Variants in SCG5 observed in about 807,000 individuals in gnomAD.
The protein encoded by SCG5 is secretogranin V, also known as neuroendocrine protein 7B2.
SCG5 carries 18 observed loss-of-function variants against 25.7 expected under a neutral mutation model. The observed-to-expected ratio is 0.70, with a 90% confidence interval of 0.48 to 1.04. The LOEUF (loss-of-function observed/expected upper bound fraction) is 1.04, where lower values mean the gene tolerates loss of function less well. Among genes scored for constraint, SCG5 ranks in the 50% least tolerant of loss-of-function variants. SCG5 has a pLI of 0.00. For synonymous variants in SCG5, 101 were observed against 91.7 expected (o/e 1.10, Z -0.58); for missense variants, 206 against 259.8 (o/e 0.79, Z 1.42).
chr15:32,672,847 C>T (rs1251775080), intron 2 of SCG5: 1 of 148,510 alleles, frequency 6.7e-6, no homozygotes, highest in Non-Finnish European at 1.5e-5. Flanking sequence ...TCTTGTCCTA[C>T]TGACCTCACT....
chr15:32,644,835 G>A (rs2053917616), intron 2 of SCG5, among the ~76,000 whole-genome samples: 1 of 152,184 alleles, frequency 6.6e-6, no homozygotes, highest in Non-Finnish European at 1.5e-5. Flanking sequence ...GATTGATTAT[G>A]CACTATTTTG....
Position 32,679,973 on chromosome 15 carries a change from A to C in SCG5, c.376+58A>C, listed in dbSNP as rs536350424. The C allele has an allele frequency of 1.5e-5, 21 of 1,438,754 alleles. No homozygotes were observed. The African/African-American group carries it at 2.8e-4, about 19-fold the overall frequency. The allele number at this position is 1,438,754 out of a possible 1,614,324, so 89.1% of individuals were successfully genotyped here. A position where few individuals can be genotyped will look rare whatever the true frequency, so the allele number is the denominator to read the frequency against. ...GTTGGGGCTTTGGAAGGAAATCAGA[A>C]ATTCTAACATCAGCTACAAATATTC... On this transcript the variant is annotated intron_variant, in intron 3 of 5. Transcript: ENST00000300175.
chr15:32,670,550 C>A (rs924539213), intron 2 of SCG5, among the ~76,000 whole-genome samples: 1 of 152,216 alleles, frequency 6.6e-6, no homozygotes, highest in Non-Finnish European at 1.5e-5. Flanking sequence ...AAACTAAATT[C>A]TGTTACTAGG....
At chr15:32,648,791 A>AC (rs2053989587) in intron 2 of SCG5, among the ~76,000 whole-genome samples, 1 of 150,334 alleles carries the variant, frequency 6.7e-6, no homozygotes, top group African/African-American at 2.5e-5. Flanking sequence ...TTTAAAAAAA[A>AC]AACAGAGTCT....
intron 2 of SCG5, among the ~76,000 whole-genome samples, chr15:32,668,346 G>A (rs1164643827): frequency 6.6e-6 from 1 of 152,242 alleles, no homozygotes; most frequent in Non-Finnish European, 1.5e-5. Context: ...ATTCAGGTAC[G>A]AATTTGTAAG....
chr15:32,663,032 A>AATATATATATAT (rs67571496), intron 2 of SCG5, among the ~76,000 whole-genome samples: 7 of 79,282 alleles, frequency 8.8e-5, no homozygotes, highest in Admixed American at 1.7e-4. Flanking sequence ...AAAAAAAAAG[A>AATATATATATAT]ATATATATAT....
At chr15:32,652,577 G>A (rs185751034) in intron 2 of SCG5, among the ~76,000 whole-genome samples, 18 of 152,284 alleles carry the variant, frequency 1.2e-4, no homozygotes, top group Middle Eastern at 3.4e-3. Flanking sequence ...TGTGTCTTAG[G>A]TCTTTCCTTC....
intron 2 of SCG5, among the ~76,000 whole-genome samples, chr15:32,674,683 G>A (rs1411313890): frequency 1.3e-5 from 2 of 152,210 alleles, no homozygotes; most frequent in African/African-American, 4.8e-5. Flanking sequence ...ACAAGACCAT[G>A]AGTGGCAAAA....
At chr15:32,653,910 A>G (rs1013142505) in intron 2 of SCG5, among the ~76,000 whole-genome samples, 18 of 152,214 alleles carry the variant, frequency 1.2e-4, no homozygotes, top group South Asian at 8.3e-4. Context: ...AATAAAATTA[A>G]CACAGCTGTC....
At position 32,649,055 on chromosome 15, in the gene SCG5, C is replaced by CT. The variant is rs140833950; in HGVS notation, c.226+5246dup. 3.8e-4 allele frequency among the ~76,000 whole-genome samples: 57 copies of CT among 151,528 alleles called. 1 individual carries two copies. The highest frequency in any genetic ancestry group is 2.2e-3 in the Admixed American group (34 of 15,214). On this transcript the variant is annotated intron_variant, in intron 2 of 5. Coordinates refer to ENST00000300175, the MANE Select transcript of SCG5 (RefSeq NM_001144757.3). ...ACAGGCGTGAGCCGCCATGTCCAGC[C>CT]TTTTTTTTTAAAGCTCCATAGCATT... is the stretch of plus-strand genomic sequence containing the variant.
intron 5 of SCG5, among the ~76,000 whole-genome samples, chr15:32,694,179 T>C (rs1287587286): frequency 6.6e-6 from 1 of 152,184 alleles, no homozygotes; most frequent in African/African-American, 2.4e-5. Flanking sequence ...CTGGATTCAA[T>C]ACTCAGTTAA....
At chr15:32,681,955 G>A (rs2140576296) in intron 3 of SCG5, among the ~76,000 whole-genome samples, 1 of 152,310 alleles carries the variant, frequency 6.6e-6, no homozygotes, top group Admixed American at 6.5e-5. Context: ...TGTGGCTGCT[G>A]GGCCAGGAAG....
In SCG5 at chr15:32,696,707, T is replaced by C. The variant is rs1007781401; in HGVS notation, c.*98T>C. ...GTCCCTGTGAATGACAGCATGTTTCTTACATAGATAATTATGGATACAAAG... is the reference window on the plus strand; with the variant it reads ...GTCCCTGTGAATGACAGCATGTTTCCTACATAGATAATTATGGATACAAAG... On this transcript the variant is annotated 3_prime_UTR_variant, in exon 6 of 6. Coordinates refer to ENST00000300175, the MANE Select transcript of SCG5 (RefSeq NM_001144757.3). 5.5e-6 allele frequency: 4 copies of C among 720,782 alleles called. No individual in the cohort carries two copies. Among genetic ancestry groups the C allele is most frequent in the Non-Finnish European group, 7.4e-6 (3 of 402,982 alleles). The allele number at this position is 720,782 out of a possible 1,614,324, so 44.6% of individuals were successfully genotyped here.
chr15:32,678,304 C>T (rs956738718), intron 2 of SCG5, among the ~76,000 whole-genome samples: 2 of 152,024 alleles, frequency 1.3e-5, no homozygotes, highest in African/African-American at 2.4e-5. Context: ...TCAGAAAATG[C>T]GACAGCCAAA....
chr15:32,674,814 A>T (rs1567082646), intron 2 of SCG5, among the ~76,000 whole-genome samples: 1 of 152,266 alleles, frequency 6.6e-6, no homozygotes, highest in South Asian at 2.1e-4. Context: ...TTGGAGGCAC[A>T]TAGCAGAGGG....
intron 2 of SCG5, among the ~76,000 whole-genome samples, chr15:32,670,106 A>G (rs2054394380): frequency 6.6e-6 from 1 of 152,216 alleles, no homozygotes; most frequent in Non-Finnish European, 1.5e-5. Context: ...GTCCCCAAGG[A>G]GCCTGAGTTT....
At position 32,689,842 on chromosome 15, in the gene SCG5, T is replaced by C. The variant is rs900895705; in HGVS notation, c.490-1868T>C. 1.3e-4 allele frequency among the ~76,000 whole-genome samples: 16 copies of C among 119,166 alleles called. No homozygotes were observed. In the East Asian group the frequency reaches 2.6e-3, roughly 20 times the overall value. The allele number at this position is 119,166 out of a possible 152,430, so 78.2% of individuals were successfully genotyped here. A position where few individuals can be genotyped will look rare whatever the true frequency, so the allele number is the denominator to read the frequency against. ...AGATTAGCCAGGCCTTTTGCATTTC[T>C]TTTTTTTTTTTTTTTTTGAGACGGA... On this transcript the variant is annotated intron_variant, in intron 4 of 5. Coordinates refer to ENST00000300175, the MANE Select transcript of SCG5 (RefSeq NM_001144757.3).
intron 4 of SCG5, 34 bp downstream of exon 4, chr15:32,684,703 A>C (rs768754076): frequency 7.0e-7 from 1 of 1,431,690 alleles, no homozygotes. Context: ...TAGATTTTGC[A>C]CTTTGGTACT....
chr15:32,695,649 C>T (rs1255791717), intron 5 of SCG5, among the ~76,000 whole-genome samples: 2 of 151,990 alleles, frequency 1.3e-5, no homozygotes, highest in African/African-American at 4.8e-5. Context: ...CTAATGAATT[C>T]TCCTTAGTAA....
Sources: gnomAD v4.1 joint callset for allele counts (sites outside exome capture counted in the v4.1 genomes callset) on GRCh38, gnomAD v4.1.1 for gene constraint, MANE v1.5 for transcripts, NCBI Gene and HGNC (gene_info 2026-07-23, HGNC 2026-07-21) for gene names.